The following KDM4E variants were observed in gnomAD, a reference collection of about 807,000 sequenced individuals.
KDM4E encodes the protein lysine demethylase 4E.
For synonymous variants in KDM4E, 229 were observed against 232.9 expected, an observed-to-expected ratio of 0.98 and a Z score of 0.15; for missense variants, 576 against 642.6, an observed-to-expected ratio of 0.90 and a Z score of 1.12.
rs543451010 is a variant in KDM4E at position 95,026,065 on chromosome 11, G to C, written c.508G>C (p.Glu170Gln). The C allele has an allele frequency of 3.2e-5, 52 of 1,613,222 alleles. No homozygotes were observed. The highest frequency in any genetic ancestry group is 4.3e-5 in the Non-Finnish European group (51 of 1,179,324). Residue 170 changes from glutamate to glutamine, a missense_variant, in exon 1 of 1, where the codon GAG becomes CAG. Glu to Gln is a conservative substitution (Grantham distance 29). Transcript: ENST00000450979. ...LLEQECGVVI[E>Q]GVNTPYLYFG... Reference sequence around the variant, plus strand: ...GGAGCAGGAATGTGGGGTTGTCATCGAGGGTGTCAACACACCCTACCTGTA... The same window carrying C: ...GGAGCAGGAATGTGGGGTTGTCATCCAGGGTGTCAACACACCCTACCTGTA...
rs781890422 is a variant in KDM4E at position 95,026,283 on chromosome 11, A to G, written c.726A>G (p.Lys242=). The part of the protein sequence containing the change: ...SRGCEAFLRH[K]VALISPTVLK... ...GCTGTGAGGCCTTCCTGCGGCACAA[A>G]GTGGCCCTCATCTCGCCTACAGTTC... is the stretch of plus-strand genomic sequence containing the variant. Residue 242 remains lysine (K), a synonymous_variant, in exon 1 of 1, where the codon AAA becomes AAG. Coordinates refer to ENST00000450979, the MANE Select transcript of KDM4E (RefSeq NM_001161630.1). 2.6e-5 allele frequency: 42 copies of G among 1,614,072 alleles called. 1 individual carries two copies. Among genetic ancestry groups the G allele is most frequent in the South Asian group, 2.4e-4 (22 of 91,082 alleles).
chr11:95,026,698 T>G lies in KDM4E; in HGVS notation c.1141T>G (p.Cys381Gly). The G allele has an allele frequency of 6.5e-7, 1 of 1,537,246 alleles. No homozygotes were observed. Among genetic ancestry groups the G allele is most frequent in the Non-Finnish European group, 8.7e-7 (1 of 1,146,914 alleles). Residue 381 changes from cysteine (C) to glycine (G), a missense_variant, in exon 1 of 1, where the codon TGT becomes GGT. Cys to Gly is a radical substitution (Grantham distance 159, BLOSUM62 -3). Transcript: ENST00000450979. ...LRLLPNLTAQ[C>G]PTQPVSSGHC... is the part of the protein sequence containing the mutation. Reference sequence around the variant, plus strand: ...GCTTCTCCCAAACCTCACAGCCCAGTGTCCCACACAGCCTGTGTCCTCAGG... The same window carrying G: ...GCTTCTCCCAAACCTCACAGCCCAGGGTCCCACACAGCCTGTGTCCTCAGG...
rs1555102758 is a variant in KDM4E at position 95,026,214 on chromosome 11, C to T, written c.657C>T (p.His219=). The T allele has an allele frequency of 2.5e-5, 41 of 1,614,168 alleles. No homozygotes were observed. Among genetic ancestry groups the T allele is most frequent in the Non-Finnish European group, 3.4e-5 (40 of 1,180,028 alleles). ...TGGTGCCCCCAGAACATGGTCAGCA[C>T]CTGGAACGCCTGGCCAGGGAGCTCT... ...WYVVPPEHGQ[H]LERLARELFP... The change falls in exon 1 of 1, where the codon CAC becomes CAT. Residue 219 remains histidine (H), a synonymous_variant. Coordinates refer to ENST00000450979, the MANE Select transcript of KDM4E (RefSeq NM_001161630.1).
In KDM4E at chr11:95,026,886, T is replaced by A. The variant is rs1389555604; in HGVS notation, c.1329T>A (p.Arg443=). The change falls in exon 1 of 1, where the codon CGT becomes CGA. Residue 443 remains arginine (R), a synonymous_variant. Coordinates refer to ENST00000450979, the MANE Select transcript of KDM4E (RefSeq NM_001161630.1). The part of the protein sequence containing the change: ...GSWGSGRGRG[R]GQGQGRGCSR... ...GGGGTTCTGGTCGTGGTCGTGGTCG[T>A]GGTCAAGGTCAAGGTCGAGGTTGCA... 6.5e-7 allele frequency: 1 copy of A among 1,537,016 alleles called. No homozygotes were observed. Among genetic ancestry groups the A allele is most frequent in the Admixed American group, 2.0e-5 (1 of 50,994 alleles).
In KDM4E at chr11:95,026,878, C is replaced by T. The variant is rs956629874; in HGVS notation, c.1321C>T (p.Arg441Cys). The change falls in exon 1 of 1, where the codon CGT (arginine) becomes TGT (cysteine). Residue 441 changes from arginine (R) to cysteine (C), a missense_variant. By Grantham distance (180) the Arg-to-Cys change is radical. Coordinates refer to ENST00000450979, the MANE Select transcript of KDM4E (RefSeq NM_001161630.1). ...TGGAAGCTGGGGTTCTGGTCGTGGT[C>T]GTGGTCGTGGTCAAGGTCAAGGTCG... ...STGSWGSGRG[R>C]GRGQGQGRGC... The T allele has an allele frequency of 2.1e-5, 32 of 1,537,120 alleles. No homozygotes were observed. Among genetic ancestry groups the T allele is most frequent in the Non-Finnish European group, 2.4e-5 (28 of 1,146,880 alleles).
Position 95,026,370 on chromosome 11 carries a change from C to A in KDM4E, c.813C>A (p.Thr271=). ...MTQEAGEFMV[T]FPYGYHAGFN... is the part of the protein sequence containing the mutation. The stretch of plus-strand genomic sequence containing the variant: ...AGGAGGCTGGGGAGTTCATGGTGAC[C>A]TTTCCCTATGGCTACCATGCTGGCT... Residue 271 remains threonine (T), a synonymous_variant, in exon 1 of 1, where the codon ACC becomes ACA. Coordinates refer to ENST00000450979, the MANE Select transcript of KDM4E (RefSeq NM_001161630.1). 6.2e-7 allele frequency: 1 copy of A among 1,614,092 alleles called. No individual in the cohort carries two copies. Among genetic ancestry groups the A allele is most frequent in the African/African-American group, 1.3e-5 (1 of 75,046 alleles).
chr11:95,026,933 G>C lies in KDM4E; in HGVS notation c.1376G>C (p.Cys459Ser). 1.3e-6 allele frequency: 2 copies of C among 1,537,230 alleles called. No individual in the cohort carries two copies. The highest frequency in any genetic ancestry group is 1.7e-6 in the Non-Finnish European group (2 of 1,146,904). Residue 459 changes from cysteine to serine, a missense_variant, in exon 1 of 1, where the codon TGT (cysteine) becomes TCT (serine). By Grantham distance (112) the Cys-to-Ser change is moderately radical. Transcript: ENST00000450979. ...TGCAGTCGTGGTCGTGGTCATGGTT[G>C]TTGTACTCGAGAACTGGGGACTGAG... The part of the protein sequence containing the change: ...RGCSRGRGHG[C>S]CTRELGTEEP...
In KDM4E at chr11:95,026,504, T is replaced by C. The variant is rs1555102881; in HGVS notation, c.947T>C (p.Phe316Ser). The C allele has an allele frequency of 4.4e-6, 7 of 1,590,782 alleles. No homozygotes were observed. Among genetic ancestry groups the C allele is most frequent in the Admixed American group, 3.5e-5 (2 of 57,866 alleles). Residue 316 changes from phenylalanine (F) to serine (S), a missense_variant, in exon 1 of 1, where the codon TTT becomes TCT. Coordinates refer to ENST00000450979, the MANE Select transcript of KDM4E (RefSeq NM_001161630.1). The part of the protein sequence containing the change: ...QCSCGESTVT[F>S]SMDPFVRIVQ... The stretch of plus-strand genomic sequence containing the variant: ...AGCTGTGGGGAGTCGACAGTGACCT[T>C]TTCCATGGACCCCTTTGTGCGCATT...
In KDM4E at chr11:95,026,492, C is replaced by T. The variant is rs782401996; in HGVS notation, c.935C>T (p.Ser312Leu). 11 of 1,597,472 alleles carry T rather than the reference C, an allele frequency of 6.9e-6. No individual in the cohort carries two copies. The South Asian group carries it at 1.0e-4, about 15-fold the overall frequency. ...KMASQCSCGE[S>L]TVTFSMDPFV... ...GCCTCTCAGTGTAGCTGTGGGGAGT[C>T]GACAGTGACCTTTTCCATGGACCCC... Residue 312 changes from serine (S) to leucine (L), a missense_variant, in exon 1 of 1, where the codon TCG becomes TTG. Transcript: ENST00000450979.
rs1858274606 is a variant in KDM4E, at chr11:95,026,798, C to T, written c.1241C>T (p.Thr414Ile). ...GSAFQSSAYH[T>I]QTQSLTLGMS... ...GCATTCCAAAGCTCTGCATATCATA[C>T]CCAGACCCAGTCACTTACCCTGGGG... Residue 414 changes from threonine (T) to isoleucine (I), a missense_variant, in exon 1 of 1, where the codon ACC becomes ATC. Physicochemically the swap from Thr to Ile is moderately conservative, Grantham distance 89 (BLOSUM62 -1). Transcript: ENST00000450979. 2.0e-6 allele frequency: 3 copies of T among 1,537,112 alleles called. No individual in the cohort carries two copies. Among genetic ancestry groups the T allele is most frequent in the African/African-American group, 1.4e-5 (1 of 73,028 alleles).
Position 95,027,237 on chromosome 11 carries a change from A to G in KDM4E, c.*159A>G, listed in dbSNP as rs546557158. 20 of 999,416 alleles carry G rather than the reference A, an allele frequency of 2.0e-5. No homozygotes were observed. The East Asian group carries it at 3.7e-4, about 18-fold the overall frequency. 61.9% of individuals were successfully genotyped at this position (999,416 alleles called of 1,614,324 possible). On this transcript the variant is annotated 3_prime_UTR_variant, in exon 1 of 1. Coordinates refer to ENST00000450979, the MANE Select transcript of KDM4E (RefSeq NM_001161630.1). The stretch of plus-strand genomic sequence containing the variant: ...TAGTAATCTCCCTGATGTTGTCTGC[A>G]TGACTCCTCCCAATGTCATTGTGCC...
Position 95,026,629 on chromosome 11 carries a change from T to C in KDM4E, c.1072T>C (p.Trp358Arg), listed in dbSNP as rs1858271863. The C allele has an allele frequency of 6.5e-7, 1 of 1,537,120 alleles. No homozygotes were observed. The highest frequency in any genetic ancestry group is 2.0e-5 in the Admixed American group (1 of 50,978). Residue 358 changes from tryptophan (W) to arginine (R), a missense_variant, in exon 1 of 1, where the codon TGG (tryptophan) becomes CGG (arginine). Coordinates refer to ENST00000450979, the MANE Select transcript of KDM4E (RefSeq NM_001161630.1). ...RVAESQELSNWRDDIVLRRAA... is the reference protein window; with the variant it reads ...RVAESQELSNRRDDIVLRRAA... ...TGCAGAAAGCCAAGAGCTGAGCAAC[T>C]GGAGAGATGATATAGTACTTAGAAG...
At position 95,026,652 on chromosome 11, in the gene KDM4E, A is replaced by G; in HGVS notation, c.1095A>G (p.Arg365=). 6.5e-7 allele frequency: 1 copy of G among 1,537,216 alleles called. No homozygotes were observed. The highest frequency in any genetic ancestry group is 8.7e-7 in the Non-Finnish European group (1 of 1,146,898). The change falls in exon 1 of 1, where the codon AGA becomes AGG. Residue 365 remains arginine (R), a synonymous_variant. Transcript: ENST00000450979. ...LSNWRDDIVL[R]RAALGLRLLP... ...ACTGGAGAGATGATATAGTACTTAG[A>G]AGAGCTGCTCTGGGCCTGAGGCTTC...
chr11:95,026,835 G>T lies in KDM4E; in HGVS notation c.1278G>T (p.Arg426Ser). 6.5e-7 allele frequency: 1 copy of T among 1,537,216 alleles called. No individual in the cohort carries two copies. Among genetic ancestry groups the T allele is most frequent in the Non-Finnish European group, 8.7e-7 (1 of 1,146,906 alleles). Residue 426 changes from arginine to serine, a missense_variant, in exon 1 of 1, where the codon AGG (arginine) becomes AGT (serine). Transcript: ENST00000450979. ...CACTTACCCTGGGGATGTCAGCCAG[G>T]GTTCTTCTCCCTTCCACTGGAAGCT... ...TQSLTLGMSA[R>S]VLLPSTGSWG...
At position 95,026,733 on chromosome 11, in the gene KDM4E, C is replaced by T. The variant is rs1858273636; in HGVS notation, c.1176C>T (p.Tyr392=). 3 of 1,537,180 alleles carry T rather than the reference C, an allele frequency of 2.0e-6. No individual in the cohort carries two copies. Among genetic ancestry groups the T allele is most frequent in the South Asian group, 2.4e-5 (2 of 84,070 alleles). Residue 392 remains tyrosine, a synonymous_variant, in exon 1 of 1, where the codon TAC becomes TAT. Transcript: ENST00000450979. The part of the protein sequence containing the change: ...PTQPVSSGHC[Y]NPKGCGTDAV... ...AGCCTGTGTCCTCAGGGCACTGTTA[C>T]AACCCAAAAGGCTGTGGCACTGATG...
In KDM4E at chr11:95,025,754, T is replaced by C. The variant is rs2134129254; in HGVS notation, c.197T>C (p.Ile66Thr). ...ARQMYDDIED[I>T]LIATPLQQVT... ...CAGATGTATGATGATATCGAAGACATCTTAATAGCCACTCCCCTCCAGCAG... is the reference window on the plus strand; with the variant it reads ...CAGATGTATGATGATATCGAAGACACCTTAATAGCCACTCCCCTCCAGCAG... Residue 66 changes from isoleucine (I) to threonine (T), a missense_variant, in exon 1 of 1, where the codon ATC (isoleucine) becomes ACC (threonine). Physicochemically the swap from Ile to Thr is moderately conservative, Grantham distance 89. Coordinates refer to ENST00000450979, the MANE Select transcript of KDM4E (RefSeq NM_001161630.1). 3 of 1,586,806 alleles carry C rather than the reference T, an allele frequency of 1.9e-6. No individual in the cohort carries two copies. Among genetic ancestry groups the C allele is most frequent in the Non-Finnish European group, 1.7e-6 (2 of 1,171,944 alleles).
At position 95,026,815 on chromosome 11, in the gene KDM4E, A is replaced by G; in HGVS notation, c.1258A>G (p.Thr420Ala). Reference protein sequence around the residue: ...SAYHTQTQSLTLGMSARVLLP... With the variant: ...SAYHTQTQSLALGMSARVLLP... ...ATATCATACCCAGACCCAGTCACTT[A>G]CCCTGGGGATGTCAGCCAGGGTTCT... The change falls in exon 1 of 1, where the codon ACC becomes GCC. Residue 420 changes from threonine to alanine, a missense_variant. By Grantham distance (58) the Thr-to-Ala change is moderately conservative. Coordinates refer to ENST00000450979, the MANE Select transcript of KDM4E (RefSeq NM_001161630.1). The G allele has an allele frequency of 6.5e-7, 1 of 1,537,074 alleles. No individual in the cohort carries two copies. The highest frequency in any genetic ancestry group is 1.4e-5 in the African/African-American group (1 of 73,096).
At position 95,026,164 on chromosome 11, in the gene KDM4E, T is replaced by C. The variant is rs545055049; in HGVS notation, c.607T>C (p.Phe203Leu). 75 of 1,614,188 alleles carry C rather than the reference T, an allele frequency of 4.6e-5. 1 individual carries two copies. In the Middle Eastern group the frequency reaches 8.2e-4, roughly 18 times the overall value. ...CCTTTACAGCATCAACTACCTGCACTTTGGGGAGCCCAAAACTTGGTACGT... is the reference window on the plus strand; with the variant it reads ...CCTTTACAGCATCAACTACCTGCACCTTGGGGAGCCCAAAACTTGGTACGT... ...MDLYSINYLH[F>L]GEPKTWYVVP... Residue 203 changes from phenylalanine (F) to leucine (L), a missense_variant, in exon 1 of 1, where the codon TTT becomes CTT. Phe to Leu is a conservative substitution (Grantham distance 22). Transcript: ENST00000450979.
Position 95,025,618 on chromosome 11 carries a change from A to C in KDM4E, c.61A>C (p.Thr21Pro). The C allele has an allele frequency of 1.3e-6, 2 of 1,537,358 alleles. No homozygotes were observed. Among genetic ancestry groups the C allele is most frequent in the East Asian group, 4.9e-5 (2 of 40,964 alleles). Reference protein sequence around the residue: ...TSHTIMTFYPTMEEFADFNTY... With the variant: ...TSHTIMTFYPPMEEFADFNTY... Reference sequence around the variant, plus strand: ...TCATACCATCATGACGTTTTACCCAACCATGGAAGAATTTGCAGATTTCAA... The same window carrying C: ...TCATACCATCATGACGTTTTACCCACCCATGGAAGAATTTGCAGATTTCAA... Residue 21 changes from threonine to proline, a missense_variant, in exon 1 of 1, where the codon ACC (threonine) becomes CCC (proline). Transcript: ENST00000450979.
Sources: gnomAD v4.1 joint callset for allele counts on GRCh38, gnomAD v4.1.1 for gene constraint, MANE v1.5 for transcripts, NCBI Gene and HGNC (gene_info 2026-07-23, HGNC 2026-07-21) for gene names.